ROR1: variants seen among roughly 807,000 people sequenced by gnomAD.
ROR1 encodes the protein ROR family WNT receptor 1, also known as inactive tyrosine-protein kinase transmembrane receptor ROR1.
ROR1 carries 19 observed loss-of-function variants against 78.8 expected under a neutral mutation model. The ratio of observed to expected loss-of-function variants is 0.24; its 90% CI spans 0.17 to 0.35. The LOEUF (loss-of-function observed/expected upper bound fraction) is 0.35, where lower values mean the gene tolerates loss of function less well. Ranked by LOEUF, ROR1 falls within the 10% of genes least tolerant of loss-of-function variation. ROR1 has a pLI of 1.00. For synonymous variants in ROR1, 386 were observed against 433.6 expected (o/e 0.89, Z 1.36); for missense variants, 917 against 1,177.8 (o/e 0.78, Z 3.24).
chr1:63,829,122 T>C (rs878877176), intron 1 of ROR1, among the ~76,000 whole-genome samples: 3 of 152,230 alleles, frequency 2.0e-5, no homozygotes, highest in Admixed American at 2.0e-4. Context: ...GTTGCTATAA[T>C]TTACTTGGAT....
chr1:63,848,414 T>A (rs1357589297), intron 1 of ROR1, among the ~76,000 whole-genome samples: 1 of 152,240 alleles, frequency 6.6e-6, no homozygotes, highest in Non-Finnish European at 1.5e-5. Context: ...GTTTGAATCC[T>A]TCTTTTGTTA....
At chr1:64,006,658 C>T (rs1314652538) in intron 1 of ROR1, among the ~76,000 whole-genome samples, 1 of 152,146 alleles carries the variant, frequency 6.6e-6, no homozygotes, top group Admixed American at 6.5e-5. Context: ...TGCCATACTG[C>T]CTATCTGACA....
Position 63,774,436 on chromosome 1 carries a change from C to A in ROR1, c.19C>A (p.Arg7Ser). MHRPRR[R>S]GTRPPLLALL... ...AGGAGGAATGCACCGGCCGCGCCGC[C>A]GCGGGACGCGCCCGCCGCTCCTGGC... Residue 7 changes from arginine (R) to serine (S), a missense_variant, in exon 1 of 9, where the codon CGC becomes AGC. This residue lies in a region of ROR1 where 63 missense variants were observed against 57.0 expected (regional missense o/e 1.10). Coordinates refer to ENST00000371079, the MANE Select transcript of ROR1 (RefSeq NM_005012.4). This position sits in a 1 kb window ranked among gnomAD's most constrained non-coding sequence, Gnocchi z 5.7. The A allele has an allele frequency of 8.5e-7, 1 of 1,176,880 alleles. No individual in the cohort carries two copies. The highest frequency in any genetic ancestry group is 1.0e-6 in the Non-Finnish European group (1 of 957,564). 72.9% of individuals were successfully genotyped at this position (1,176,880 alleles called of 1,614,324 possible). A position where few individuals can be genotyped will look rare whatever the true frequency, so the allele number is the denominator to read the frequency against.
chr1:63,779,373 A>T (rs1303510647), intron 1 of ROR1, among the ~76,000 whole-genome samples: 2 of 152,198 alleles, frequency 1.3e-5, no homozygotes, highest in Non-Finnish European at 2.9e-5. Context: ...ATCCAGCTCC[A>T]GCTGAGAAAC....
chr1:63,901,415 C>T (rs932714153), intron 1 of ROR1, among the ~76,000 whole-genome samples: 1 of 152,168 alleles, frequency 6.6e-6, no homozygotes, highest in African/African-American at 2.4e-5. Flanking sequence ...AGTCAAGATT[C>T]CATGTCTGTA....
At chr1:63,786,571 CTTTTT>C (rs10530236) in intron 1 of ROR1, among the ~76,000 whole-genome samples, 1 of 113,340 alleles carries the variant, frequency 8.8e-6, no homozygotes, top group African/African-American at 3.5e-5. Flanking sequence ...CGCGCCTGGC[CTTTTT>C]TTTTTTTTTT....
chr1:63,894,669 G>A (rs897641784), intron 1 of ROR1, among the ~76,000 whole-genome samples: 4 of 152,128 alleles, frequency 2.6e-5, no homozygotes, highest in African/African-American at 9.7e-5. Flanking sequence ...ATTCTTTATT[G>A]TTTATACACC....
At chr1:64,032,340 C>CAA (rs66602515) in intron 2 of ROR1, among the ~76,000 whole-genome samples, 137 of 76,174 alleles carry the variant, frequency 1.8e-3, no homozygotes, top group African/African-American at 2.8e-3. Flanking sequence ...GACTCCGTCT[C>CAA]AAAAAAAAAA....
Position 63,961,459 on chromosome 1 carries a change from A to G in ROR1, c.92-47846A>G, listed in dbSNP as rs1646026843. On this transcript the variant is annotated intron_variant, in intron 1 of 8. Coordinates refer to ENST00000371079, the MANE Select transcript of ROR1 (RefSeq NM_005012.4). Reference sequence around the variant, plus strand: ...CTAAGTGTCCATCAATGGATGAATGAATAATGAAAATGTGGTACATATACA... The same window carrying G: ...CTAAGTGTCCATCAATGGATGAATGGATAATGAAAATGTGGTACATATACA... 1.3e-5 allele frequency among the ~76,000 whole-genome samples: 2 copies of G among 152,338 alleles called. 1 individual carries two copies.
chr1:64,107,926 G>A (rs1647892499), intron 4 of ROR1, among the ~76,000 whole-genome samples: 1 of 152,250 alleles, frequency 6.6e-6, no homozygotes, highest in African/African-American at 2.4e-5. Context: ...GGTGGTCAGA[G>A]TTTGGCTCTG....
At chr1:64,097,866 G>C (rs1284891268) in intron 4 of ROR1, among the ~76,000 whole-genome samples, 1 of 152,082 alleles carries the variant, frequency 6.6e-6, no homozygotes, top group African/African-American at 2.4e-5. Context: ...ATTTAGGTGG[G>C]TTTTGTTTCA....
chr1:64,025,628 TACATATATATATACACACATATAC>T (rs1245110676), intron 2 of ROR1, among the ~76,000 whole-genome samples: 4 of 151,296 alleles, frequency 2.6e-5, no homozygotes, highest in Non-Finnish European at 5.9e-5. Context: ...CACACATATG[TACATATATATATACACACATATAC>T]ACATATATAT....
chr1:64,029,633 T>A (rs1240126487), intron 2 of ROR1, among the ~76,000 whole-genome samples: 1 of 152,146 alleles, frequency 6.6e-6, no homozygotes, highest in East Asian at 1.9e-4. Context: ...GCTCTGCCCT[T>A]ACATGGCAGA....
In ROR1 at chr1:64,004,829, G is replaced by T. The variant is rs1312798722; in HGVS notation, c.92-4476G>T. 1.3e-5 allele frequency among the ~76,000 whole-genome samples: 2 copies of T among 152,098 alleles called. 1 individual carries two copies. The highest frequency in any genetic ancestry group is 4.1e-4 in the South Asian group (2 of 4,824). ...CTTAAATACCAAAACCTTATGGTTTGCAGAATCAGTGCCAAAAAGTCAATC... is the reference window on the plus strand; with the variant it reads ...CTTAAATACCAAAACCTTATGGTTTTCAGAATCAGTGCCAAAAAGTCAATC... On this transcript the variant is annotated intron_variant, in intron 1 of 8. Coordinates refer to ENST00000371079, the MANE Select transcript of ROR1 (RefSeq NM_005012.4).
intron 1 of ROR1, among the ~76,000 whole-genome samples, chr1:63,992,137 C>T (rs1646301211): frequency 1.3e-5 from 2 of 151,938 alleles, no homozygotes; most frequent in South Asian, 2.1e-4. Context: ...CTGTGTGATA[C>T]ATTAAATAGC....
intron 7 of ROR1, among the ~76,000 whole-genome samples, chr1:64,154,958 T>C (rs187062384): frequency 7.7e-4 from 118 of 152,332 alleles, no homozygotes; most frequent in African/African-American, 2.7e-3. Context: ...CCACCAGATA[T>C]TAGTCTTCAT....
At chr1:64,035,585 A>C (rs1429283892) in intron 2 of ROR1, among the ~76,000 whole-genome samples, 1 of 152,134 alleles carries the variant, frequency 6.6e-6, no homozygotes, top group Non-Finnish European at 1.5e-5. Flanking sequence ...AGGAATTTGC[A>C]ATTGGAACTC....
intron 1 of ROR1, among the ~76,000 whole-genome samples, chr1:63,999,084 G>A (rs111999610): frequency 0.036 from 5,498 of 152,210 alleles, 353 homozygotes; most frequent in African/African-American, 0.13. Context: ...TCCCAGTCTC[G>A]GGTATGTCTT....
intron 1 of ROR1, among the ~76,000 whole-genome samples, chr1:63,924,685 T>C (rs998178464): frequency 5.3e-5 from 8 of 152,178 alleles, no homozygotes; most frequent in African/African-American, 1.9e-4. Context: ...TTACCGAGCT[T>C]AAAGTTTGAC....
Sources: gnomAD v4.1 joint callset for allele counts (sites outside exome capture counted in the v4.1 genomes callset) on GRCh38, gnomAD v4.1.1 for gene constraint, gnomAD v4.1.1 regional missense constraint, Gnocchi (gnomAD v3.1) non-coding constraint, MANE v1.5 for transcripts, NCBI Gene and HGNC (gene_info 2026-07-23, HGNC 2026-07-21) for gene names.